CLRN3: variants seen among roughly 807,000 people sequenced by gnomAD.
The protein encoded by CLRN3 is clarin-3.
A neutral mutation model predicts 16.7 loss-of-function variants in CLRN3; 12 were observed. The ratio of observed to expected loss-of-function variants is 0.72; its 90% CI spans 0.46 to 1.16. The LOEUF (loss-of-function observed/expected upper bound fraction) is 1.16. Ranked by LOEUF, CLRN3 falls within the 50% of genes most tolerant of loss-of-function variation. CLRN3 has a pLI of 0.00. For synonymous variants in CLRN3, 118 were observed against 113.0 expected, an observed-to-expected ratio of 1.04 and a Z score of -0.28; for missense variants, 296 against 274.2, an observed-to-expected ratio of 1.08 and a Z score of -0.56.
intron 1 of CLRN3, among the ~76,000 whole-genome samples, chr10:127,888,005 TC>T (rs1845217017): frequency 1.3e-5 from 2 of 152,176 alleles, no homozygotes; most frequent in Admixed American, 1.3e-4. Flanking sequence ...ATGAGAGCCA[TC>T]CGGACATCTG....
intron 2 of CLRN3, among the ~76,000 whole-genome samples, chr10:127,882,821 G>A (rs187155404): frequency 6.6e-6 from 1 of 152,288 alleles, no homozygotes; most frequent in Admixed American, 6.5e-5. Context: ...CTTAGGACAG[G>A]CTTCATTCCC....
At chr10:127,892,195 T>C (rs1192449585) in intron 1 of CLRN3, among the ~76,000 whole-genome samples, 1 of 152,232 alleles carries the variant, frequency 6.6e-6, no homozygotes, top group Non-Finnish European at 1.5e-5. Flanking sequence ...TAGACAGAGG[T>C]TGTGGCTCCA....
At chr10:127,887,991 G>A (rs1278129289) in intron 1 of CLRN3, among the ~76,000 whole-genome samples, 1 of 152,158 alleles carries the variant, frequency 6.6e-6, no homozygotes, top group Non-Finnish European at 1.5e-5. Context: ...GATAATGGGC[G>A]CCCATGAGAG....
chr10:127,885,168 G>A (rs900633088), intron 1 of CLRN3, among the ~76,000 whole-genome samples: 4 of 152,094 alleles, frequency 2.6e-5, no homozygotes, highest in Non-Finnish European at 1.5e-5. Context: ...ATATGCCCAC[G>A]GGTCGAAGGT....
intron 1 of CLRN3, among the ~76,000 whole-genome samples, chr10:127,885,202 A>G (rs540283930): frequency 6.2e-4 from 94 of 152,228 alleles, no homozygotes; most frequent in African/African-American, 2.2e-3. Flanking sequence ...ATGGAACCAG[A>G]GTGTTTCAAA....
intron 1 of CLRN3, among the ~76,000 whole-genome samples, chr10:127,889,614 T>C (rs1305983136): frequency 6.6e-6 from 1 of 152,108 alleles, no homozygotes; most frequent in Non-Finnish European, 1.5e-5. Context: ...TGAAGCAGCC[T>C]GGGTGATGAA....
chr10:127,885,690 C>G (rs1845185264), intron 1 of CLRN3, among the ~76,000 whole-genome samples: 1 of 152,324 alleles, frequency 6.6e-6, no homozygotes, highest in East Asian at 1.9e-4. Context: ...AAAGAATCCT[C>G]CTGCCTCAGC....
chr10:127,885,884 T>C (rs753196983), intron 1 of CLRN3, among the ~76,000 whole-genome samples: 13 of 152,076 alleles, frequency 8.5e-5, no homozygotes, highest in Non-Finnish European at 4.4e-5. Context: ...GCCTTCCAAG[T>C]AGCTGGGATT....
intron 2 of CLRN3, 55 bp from the exon 3 acceptor site, chr10:127,878,475 C>T: frequency 1.3e-6 from 2 of 1,600,002 alleles, no homozygotes; most frequent in Non-Finnish European, 8.5e-7. Context: ...TTTAATGTCA[C>T]TTATCTTTAT....
At chr10:127,886,481 C>T (rs772524107) in intron 1 of CLRN3, among the ~76,000 whole-genome samples, 4 of 152,042 alleles carry the variant, frequency 2.6e-5, no homozygotes, top group Non-Finnish European at 5.9e-5. Flanking sequence ...GGTGCAGCCT[C>T]CTAGACCGGG....
chr10:127,878,250 T>A lies in CLRN3; in HGVS notation c.580A>T (p.Thr194Ser). The A allele has an allele frequency of 6.2e-7, 1 of 1,614,172 alleles. No individual in the cohort carries two copies. Among genetic ancestry groups the A allele is most frequent in the Non-Finnish European group, 8.5e-7 (1 of 1,180,030 alleles). ...ILLVILLNIV[T>S]VTIIIFYQKA... is the part of the protein sequence containing the mutation. ...TGGTAGAAAATGATGATGGTTACAGTGACTATATTTAGAAGAATGACGAGC... is the reference window on the plus strand; with the variant it reads ...TGGTAGAAAATGATGATGGTTACAGAGACTATATTTAGAAGAATGACGAGC... Residue 194 changes from threonine to serine, a missense_variant, in exon 3 of 3, where the codon ACT becomes TCT. Transcript: ENST00000368671.
rs2135074513 is a variant in CLRN3 at position 127,878,035 on chromosome 10, T to C, written c.*114A>G. On this transcript the variant is annotated 3_prime_UTR_variant, in exon 3 of 3. Transcript: ENST00000368671. ...AGAACACAGTGTCATGAAACACAAA[T>C]GCTGTCACAGATGACAGTCACGTTA... 7.8e-7 allele frequency: 1 copy of C among 1,274,940 alleles called. No homozygotes were observed. The highest frequency in any genetic ancestry group is 1.1e-6 in the Non-Finnish European group (1 of 916,782). 79.0% of individuals were successfully genotyped at this position (1,274,940 alleles called of 1,614,324 possible).
intron 1 of CLRN3, among the ~76,000 whole-genome samples, chr10:127,884,198 C>T (rs565992322): frequency 2.6e-5 from 4 of 152,236 alleles, no homozygotes; most frequent in Admixed American, 1.3e-4. Context: ...TGAGCTCGGG[C>T]TCCGTCCTTG....
chr10:127,880,632 C>A (rs986324462), intron 2 of CLRN3, among the ~76,000 whole-genome samples: 12 of 152,300 alleles, frequency 7.9e-5, no homozygotes, highest in African/African-American at 2.9e-4. Context: ...AGGATACAGC[C>A]TCATCAGGTC....
At chr10:127,886,098 C>T (rs1041214390) in intron 1 of CLRN3, among the ~76,000 whole-genome samples, 1 of 152,114 alleles carries the variant, frequency 6.6e-6, no homozygotes, top group Non-Finnish European at 1.5e-5. Flanking sequence ...CTATGTTGCC[C>T]AGGCTGGTCT....
chr10:127,879,323 A>T (rs989600261), intron 2 of CLRN3, among the ~76,000 whole-genome samples: 1 of 151,910 alleles, frequency 6.6e-6, no homozygotes, highest in African/African-American at 2.4e-5. Context: ...CTAGTCTCGA[A>T]CTCCTGGACT....
In CLRN3 at chr10:127,878,103, G is replaced by C; in HGVS notation, c.*46C>G. On this transcript the variant is annotated 3_prime_UTR_variant, in exon 3 of 3. Coordinates refer to ENST00000368671, the MANE Select transcript of CLRN3 (RefSeq NM_152311.5). ...GAGAAGCTAACCAGTTACTACTCAGGGCTGATGTACAATAGATGCAACGCC... is the reference window on the plus strand; with the variant it reads ...GAGAAGCTAACCAGTTACTACTCAGCGCTGATGTACAATAGATGCAACGCC... The C allele has an allele frequency of 6.3e-7, 1 of 1,596,834 alleles. No individual in the cohort carries two copies. The highest frequency in any genetic ancestry group is 8.6e-7 in the Non-Finnish European group (1 of 1,167,978).
chr10:127,883,132 G>T (rs555008720), intron 2 of CLRN3, among the ~76,000 whole-genome samples: 3 of 152,188 alleles, frequency 2.0e-5, no homozygotes, highest in Non-Finnish European at 4.4e-5. Flanking sequence ...CCACAAAAAA[G>T]GTATTGCACC....
At chr10:127,890,560 A>T (rs1845246766) in intron 1 of CLRN3, among the ~76,000 whole-genome samples, 1 of 152,154 alleles carries the variant, frequency 6.6e-6, no homozygotes, top group South Asian at 2.1e-4. Context: ...ATGTGACCTC[A>T]TGCTAGCCAA....
Sources: gnomAD v4.1 joint callset for allele counts (sites outside exome capture counted in the v4.1 genomes callset) on GRCh38, gnomAD v4.1.1 for gene constraint, MANE v1.5 for transcripts, NCBI Gene and HGNC (gene_info 2026-07-23, HGNC 2026-07-21) for gene names.